NALF1: variants seen among roughly 807,000 people sequenced by gnomAD.
The protein encoded by NALF1 is NALCN channel auxiliary factor 1.
In NALF1, 3 loss-of-function variants were observed where a neutral mutation model predicts 48.4. The observed-to-expected ratio is 0.06, with a 90% confidence interval of 0.03 to 0.16. The LOEUF is 0.16. Ranked by LOEUF, NALF1 falls within the 10% of genes least tolerant of loss-of-function variation. The probability of loss-of-function intolerance (pLI) is 1.00; values close to 1 mark genes in which losing one functional copy is unlikely to be tolerated. For missense variants in NALF1, 526 were observed against 571.5 expected, an observed-to-expected ratio of 0.92 and a Z score of 0.81; for synonymous variants, 262 against 245.7, an observed-to-expected ratio of 1.07 and a Z score of -0.62.
At chr13:107,443,340 C>T (rs1247151896) in intron 1 of NALF1, among the ~76,000 whole-genome samples, 2 of 151,956 alleles carry the variant, frequency 1.3e-5, no homozygotes, top group Non-Finnish European at 2.9e-5. Context: ...CTCAGCCTCC[C>T]GAGTAGTACG....
intron 1 of NALF1, chr13:107,531,147 C>T (rs907841294): frequency 6.0e-6 from 1 of 167,134 alleles, no homozygotes; most frequent in Non-Finnish European, 1.5e-5. Context: ...AAGTTCTTGA[C>T]CACTGATGGA....
chr13:107,629,523 T>C (rs1879773783), intron 1 of NALF1, among the ~76,000 whole-genome samples: 1 of 152,196 alleles, frequency 6.6e-6, no homozygotes, highest in South Asian at 2.1e-4. Context: ...TGTTTTCTGA[T>C]TGTCTACTGA....
At position 107,866,138 on chromosome 13, in the gene NALF1, G is replaced by A. The variant is rs886275253; in HGVS notation, c.459C>T (p.Gly153=). 1 of 1,611,422 alleles carries A rather than the reference G, an allele frequency of 6.2e-7. No homozygotes were observed. Among genetic ancestry groups the A allele is most frequent in the African/African-American group, 1.3e-5 (1 of 74,800 alleles). ...GKGNRGKDDR[G]KALFLGNSAK... ...CAGAGTTTCCTAGAAAAAGAGCCTT[G>A]CCCCGGTCGTCTTTGCCTCGGTTGC... Residue 153 remains glycine, a synonymous_variant, in exon 1 of 3, where the codon GGC becomes GGT. Coordinates refer to ENST00000375915, the MANE Select transcript of NALF1 (RefSeq NM_001080396.3). The surrounding 1 kb of genome is among the most constrained non-coding windows in gnomAD (Gnocchi z 4.4).
At chr13:107,343,882 A>G (rs1221911195) in intron 1 of NALF1, among the ~76,000 whole-genome samples, 1 of 152,184 alleles carries the variant, frequency 6.6e-6, no homozygotes, top group African/African-American at 2.4e-5. Flanking sequence ...AGTAGAGAAC[A>G]GAAAAACAAG....
intron 1 of NALF1, among the ~76,000 whole-genome samples, chr13:107,637,479 T>A (rs570152108): frequency 1.3e-5 from 2 of 152,298 alleles, no homozygotes; most frequent in South Asian, 4.1e-4. Context: ...AAAATGCTGC[T>A]ACCTGAAGAT....
chr13:107,178,787 CA>C (rs202011044), intron 2 of NALF1, among the ~76,000 whole-genome samples: 32,577 of 151,512 alleles, frequency 0.22, 3,685 homozygotes, highest in African/African-American at 0.3. Context: ...ACTAAAAATA[CA>C]AAAAAAATTA....
intron 1 of NALF1, among the ~76,000 whole-genome samples, chr13:107,649,515 A>G (rs1371373863): frequency 6.6e-6 from 1 of 152,184 alleles, no homozygotes; most frequent in African/African-American, 2.4e-5. Context: ...TGTACAATTA[A>G]GTCCTGGGTT....
At position 107,525,254 on chromosome 13, in the gene NALF1, C is replaced by T. The variant is rs556639440; in HGVS notation, c.916-314499G>A. On this transcript the variant is annotated intron_variant, in intron 1 of 2. Coordinates refer to ENST00000375915, the MANE Select transcript of NALF1 (RefSeq NM_001080396.3). ...CGTCACCCCCAAAAACTCCCTCATA[C>T]AATCCACTTACTGTCACACAATCTC... Among the ~76,000 whole-genome samples the T allele has an allele frequency of 2.0e-5, 3 of 152,240 alleles. No individual in the cohort carries two copies. In the East Asian group the frequency reaches 5.8e-4, roughly 29 times the overall value.
intron 1 of NALF1, among the ~76,000 whole-genome samples, chr13:107,811,358 A>AAAT (rs1285795422): frequency 1.3e-5 from 2 of 152,202 alleles, no homozygotes; most frequent in Admixed American, 6.5e-5. Context: ...CACAGTCTAT[A>AAAT]AATGTCCCTG....
intron 1 of NALF1, among the ~76,000 whole-genome samples, chr13:107,571,355 T>C (rs374087129): frequency 3.9e-5 from 6 of 152,146 alleles, no homozygotes; most frequent in Admixed American, 1.3e-4. Context: ...GGAGAGGGGC[T>C]GGAGATTGAC....
At chr13:107,442,759 A>C (rs1884581476) in intron 1 of NALF1, among the ~76,000 whole-genome samples, 1 of 152,250 alleles carries the variant, frequency 6.6e-6, no homozygotes, top group African/African-American at 2.4e-5. Context: ...GTTTTAAGTC[A>C]CAATTTTTAA....
chr13:107,629,824 G>T (rs950370626), intron 1 of NALF1, among the ~76,000 whole-genome samples: 2 of 152,044 alleles, frequency 1.3e-5, no homozygotes, highest in African/African-American at 4.8e-5. Flanking sequence ...ACTATTATAT[G>T]TATGTGTATG....
intron 2 of NALF1, among the ~76,000 whole-genome samples, chr13:107,204,508 C>G (rs1241617930): frequency 6.6e-6 from 1 of 152,334 alleles, no homozygotes; most frequent in South Asian, 2.1e-4. Context: ...TCCCTACATA[C>G]ATTCTCTTGC....
intron 1 of NALF1, among the ~76,000 whole-genome samples, chr13:107,806,069 C>G (rs1878777634): frequency 2.0e-5 from 3 of 152,090 alleles, no homozygotes; most frequent in Non-Finnish European, 4.4e-5. Flanking sequence ...GTAACAGTTT[C>G]AGATTGCAAG....
At chr13:107,358,191 T>C (rs1254187915) in intron 1 of NALF1, among the ~76,000 whole-genome samples, 1 of 152,014 alleles carries the variant, frequency 6.6e-6, no homozygotes, top group African/African-American at 2.4e-5. Flanking sequence ...TGTGTGTGTG[T>C]GTTTAAAATA....
chr13:107,174,946 C>A (rs561920495), intron 2 of NALF1, among the ~76,000 whole-genome samples: 2 of 150,978 alleles, frequency 1.3e-5, no homozygotes, highest in Non-Finnish European at 1.5e-5. Flanking sequence ...TGCAGCGGCG[C>A]GATCTCGGCT....
chr13:107,520,078 T>C (rs114827931), intron 1 of NALF1, among the ~76,000 whole-genome samples: 3,630 of 152,294 alleles, frequency 0.024, 138 homozygotes, highest in African/African-American at 0.082. Flanking sequence ...ATTATAAATA[T>C]TAATTGTAAT....
chr13:107,683,502 G>A (rs779500067), intron 1 of NALF1, among the ~76,000 whole-genome samples: 27 of 152,174 alleles, frequency 1.8e-4, no homozygotes, highest in Non-Finnish European at 2.5e-4. Context: ...GTAAAGATGC[G>A]CTTCCAAACT....
At chr13:107,527,314 T>C (rs942358) in intron 1 of NALF1, among the ~76,000 whole-genome samples, 124,814 of 151,990 alleles carry the variant, frequency 0.82, 51,618 homozygotes, top group South Asian at 0.91. Flanking sequence ...GTTCAGGGGA[T>C]ATCTTTGGGA....
Sources: allele counts gnomAD v4.1 joint callset (sites outside exome capture counted in the v4.1 genomes callset), GRCh38; gene constraint gnomAD v4.1.1; non-coding constraint Gnocchi (gnomAD v3.1); transcripts MANE v1.5; gene names NCBI Gene and HGNC (gene_info 2026-07-23, HGNC 2026-07-21).